Variants in ASTN2 observed in about 807,000 individuals in gnomAD.
ASTN2 encodes astrotactin-2.
ASTN2 carries 54 observed loss-of-function variants against 139.8 expected under a neutral mutation model. The observed-to-expected ratio is 0.39, with a 90% CI of 0.31 to 0.48. ASTN2 has a LOEUF of 0.48. Ranked by LOEUF, ASTN2 falls within the 20% of genes least tolerant of loss-of-function variation. ASTN2 has a pLI of 0.95. For missense variants in ASTN2, 1,565 were observed against 1,725.1 expected, an observed-to-expected ratio of 0.91 and a Z score of 1.64; for synonymous variants, 756 against 719.5, an observed-to-expected ratio of 1.05 and a Z score of -0.81.
chr9:117,120,018 G>GTGTGTGTGTGTA (rs1306397698), intron 4 of ASTN2, among the ~76,000 whole-genome samples: 64 of 45,994 alleles, frequency 1.4e-3, no homozygotes, highest in Non-Finnish European at 1.7e-3. Flanking sequence ...GTGTGTGTGT[G>GTGTGTGTGTGTA]TATATATATA....
At chr9:117,088,674 C>G (rs546645996) in intron 5 of ASTN2, among the ~76,000 whole-genome samples, 1 of 152,286 alleles carries the variant, frequency 6.6e-6, no homozygotes, top group East Asian at 1.9e-4. Context: ...ATAAGACAAC[C>G]AGTAGCATTC....
chr9:116,824,406 C>T (rs1831568129), intron 11 of ASTN2, among the ~76,000 whole-genome samples: 1 of 151,806 alleles, frequency 6.6e-6, no homozygotes, highest in African/African-American at 2.4e-5. Flanking sequence ...TCATCACTTG[C>T]TCTAGTGAAA....
At chr9:117,149,417 G>T (rs960145938) in intron 3 of ASTN2, among the ~76,000 whole-genome samples, 3 of 151,042 alleles carry the variant, frequency 2.0e-5, no homozygotes, top group Non-Finnish European at 4.4e-5. Flanking sequence ...GTGTGTGTTT[G>T]TGTGTGTGTG....
chr9:116,852,904 C>A (rs1022644410), intron 11 of ASTN2, among the ~76,000 whole-genome samples: 7 of 151,500 alleles, frequency 4.6e-5, no homozygotes, highest in Middle Eastern at 3.4e-3. Context: ...CACACACACA[C>A]ACACACACAC....
chr9:117,073,326 C>T (rs1828186501), intron 5 of ASTN2, among the ~76,000 whole-genome samples: 1 of 152,090 alleles, frequency 6.6e-6, no homozygotes, highest in Non-Finnish European at 1.5e-5. Context: ...TGTCCTGCTT[C>T]TCCACTCCAC....
intron 2 of ASTN2, among the ~76,000 whole-genome samples, chr9:117,270,946 A>C (rs553799266): frequency 6.6e-6 from 1 of 152,308 alleles, no homozygotes; most frequent in South Asian, 2.1e-4. Flanking sequence ...GTTTTCTAAG[A>C]TCTTCTCTTC....
intron 5 of ASTN2, among the ~76,000 whole-genome samples, chr9:117,061,062 T>C (rs1839274909): frequency 6.6e-6 from 1 of 152,200 alleles, no homozygotes; most frequent in African/African-American, 2.4e-5. Context: ...GAAAGCCTAA[T>C]GGTTTGTCTT....
At chr9:116,659,493 G>A (rs544434526) in intron 16 of ASTN2, among the ~76,000 whole-genome samples, 6 of 152,284 alleles carry the variant, frequency 3.9e-5, no homozygotes, top group Admixed American at 6.5e-5. Flanking sequence ...TGATAGATCA[G>A]AGAAGTAAAG....
At chr9:117,299,602 C>T (rs555656230) in intron 1 of ASTN2, among the ~76,000 whole-genome samples, 82 of 152,236 alleles carry the variant, frequency 5.4e-4, no homozygotes, top group African/African-American at 1.9e-3. Flanking sequence ...CGGTATAAAA[C>T]GCAGAAGCCA....
intron 19 of ASTN2, among the ~76,000 whole-genome samples, chr9:116,528,105 T>A (rs1458546209): frequency 2.6e-5 from 4 of 152,042 alleles, no homozygotes; most frequent in Non-Finnish European, 5.9e-5. Context: ...TTGGAACAGT[T>A]TTGAGGGCTC....
chr9:117,242,050 T>C (rs1434091602), intron 2 of ASTN2, among the ~76,000 whole-genome samples: 4 of 127,684 alleles, frequency 3.1e-5, no homozygotes, highest in Admixed American at 9.3e-5. Context: ...AGTGGCCCAA[T>C]TGCAGACAAA....
intron 1 of ASTN2, among the ~76,000 whole-genome samples, chr9:117,367,510 G>A (rs185974267): frequency 7.9e-5 from 12 of 151,362 alleles, no homozygotes; most frequent in Non-Finnish European, 1.8e-4. Flanking sequence ...AAAGAGAAGG[G>A]TGTGTGTGTG....
At chr9:116,682,354 A>G (rs1859934931) in intron 16 of ASTN2, among the ~76,000 whole-genome samples, 1 of 152,222 alleles carries the variant, frequency 6.6e-6, no homozygotes, top group Non-Finnish European at 1.5e-5. Flanking sequence ...TAGAATGGCA[A>G]TCATTAAAAA....
chr9:117,392,048 G>A (rs914368461), intron 1 of ASTN2, among the ~76,000 whole-genome samples: 3 of 152,134 alleles, frequency 2.0e-5, no homozygotes, highest in Admixed American at 6.5e-5. Context: ...TAAGCACAAC[G>A]GGAAGTCATG....
intron 20 of ASTN2, among the ~76,000 whole-genome samples, chr9:116,486,650 G>A (rs992158127): frequency 6.6e-6 from 1 of 152,092 alleles, no homozygotes; most frequent in Non-Finnish European, 1.5e-5. Context: ...ATAAGGAGAG[G>A]TGGTCTATAA....
intron 19 of ASTN2, among the ~76,000 whole-genome samples, chr9:116,490,568 A>C (rs1849486662): frequency 6.6e-6 from 1 of 152,186 alleles, no homozygotes. Context: ...TCATAAAGAA[A>C]AGGGATTTAA....
chr9:117,191,117 C>T (rs191839955), intron 3 of ASTN2, among the ~76,000 whole-genome samples: 2 of 151,596 alleles, frequency 1.3e-5, no homozygotes, highest in Admixed American at 6.6e-5. Context: ...AACATTCAGA[C>T]CATTTGACCC....
At chr9:116,800,276 A>T (rs1830810106) in intron 13 of ASTN2, among the ~76,000 whole-genome samples, 1 of 152,030 alleles carries the variant, frequency 6.6e-6, no homozygotes, top group Non-Finnish European at 1.5e-5. Flanking sequence ...CTGCTGTGAC[A>T]TAGACTGTTC....
intron 3 of ASTN2, among the ~76,000 whole-genome samples, chr9:117,184,291 T>A (rs1831144995): frequency 6.6e-6 from 1 of 152,180 alleles, no homozygotes; most frequent in South Asian, 2.1e-4. Context: ...AGGACATAGC[T>A]GGAGCTGTGC....
Sources: allele counts gnomAD v4.1 joint callset (sites outside exome capture counted in the v4.1 genomes callset), GRCh38; gene constraint gnomAD v4.1.1; transcripts MANE v1.5; gene names NCBI Gene and HGNC (gene_info 2026-07-23, HGNC 2026-07-21).